The following AKAP12 variants were observed in gnomAD, a reference collection of about 807,000 sequenced individuals.
The protein encoded by AKAP12 is A-kinase anchor protein 12.
Under a neutral mutation model 79.9 loss-of-function variants are expected in AKAP12, and 32 were observed. That is an observed-to-expected ratio of 0.40 (90% CI 0.30 to 0.54). The LOEUF (loss-of-function observed/expected upper bound fraction) is 0.54. AKAP12 is among the 20% of genes least tolerant of loss of function. The pLI is 0.48. For synonymous variants in AKAP12, 808 were observed against 857.0 expected (o/e 0.94, Z 1.00); for missense variants, 2,074 against 2,177.0 (o/e 0.95, Z 0.94).
At chr6:151,267,492 C>T (rs1776074161) in intron 2 of AKAP12, among the ~76,000 whole-genome samples, 1 of 152,144 alleles carries the variant, frequency 6.6e-6, no homozygotes, top group South Asian at 2.1e-4. Flanking sequence ...GTCAAAGCAT[C>T]AGTAGACACA....
chr6:151,353,462 T>C lies in AKAP12; in HGVS notation c.5071T>C (p.Ser1691Pro). 6.2e-7 allele frequency: 1 copy of C among 1,614,002 alleles called. No individual in the cohort carries two copies. The highest frequency in any genetic ancestry group is 8.5e-7 in the Non-Finnish European group (1 of 1,179,994). ...HALLAERIEK[S>P]LVEPKEDEKG... is the part of the protein sequence containing the mutation. ...CTTGTTAGCAGAAAGAATAGAGAAG[T>C]CACTAGTTGAACCGAAAGAAGATGA... Residue 1691 changes from serine (S) to proline (P), a missense_variant, in exon 4 of 5, where the codon TCA becomes CCA. Around this residue, in one of 3 missense-constraint regions of AKAP12, gnomAD observed 614 missense variants for 665.6 expected, o/e 0.92. Transcript: ENST00000402676.
intron 3 of AKAP12, among the ~76,000 whole-genome samples, chr6:151,311,484 C>T (rs763170584): frequency 6.6e-5 from 10 of 152,194 alleles, no homozygotes; most frequent in Admixed American, 1.3e-4. Flanking sequence ...GCACGTGGAC[C>T]GCCACTGTGA....
In AKAP12 at chr6:151,351,122, CCTT is replaced by C. The variant is rs1707258244; in HGVS notation, c.2735_2737del (p.Ser912del). 2.5e-6 allele frequency: 4 copies of C among 1,614,082 alleles called. No individual in the cohort carries two copies. The highest frequency in any genetic ancestry group is 4.5e-5 in the East Asian group (2 of 44,898). On this transcript the variant is annotated inframe_deletion, in exon 4 of 5. Coordinates refer to ENST00000402676, the MANE Select transcript of AKAP12 (RefSeq NM_005100.4). This position sits in a 1 kb window ranked among gnomAD's most constrained non-coding sequence, Gnocchi z 4.4. ...AGCTACCATTATTGAAGAAAGGTCTCCTTCTTGGATATCTGCTTCAGTGACAGA... is the reference window on the plus strand; with the variant it reads ...AGCTACCATTATTGAAGAAAGGTCTCCTTGGATATCTGCTTCAGTGACAGA...
In AKAP12 at chr6:151,357,370, G is replaced by C. The variant is rs192373820; in HGVS notation, c.*1656G>C. On this transcript the variant is annotated 3_prime_UTR_variant, in exon 5 of 5. Transcript: ENST00000402676. Reference sequence around the variant, plus strand: ...AGAATAGTGTCACTTATCTACTCTTGACACACAGAACTGGCCTGGCATATA... The same window carrying C: ...AGAATAGTGTCACTTATCTACTCTTCACACACAGAACTGGCCTGGCATATA... 1.3e-5 allele frequency: 2 copies of C among 152,250 alleles called. No individual in the cohort carries two copies. Among genetic ancestry groups the C allele is most frequent in the African/African-American group, 2.4e-5 (1 of 41,532 alleles). 9.4% of individuals were successfully genotyped at this position (152,250 alleles called of 1,614,324 possible).
At position 151,305,755 on chromosome 6, in the gene AKAP12, GAA is replaced by G. The variant is rs1776963784; in HGVS notation, c.172_173del (p.Lys58GlufsTer12). 1 of 1,610,958 alleles carries G rather than the reference GAA, an allele frequency of 6.2e-7. No individual in the cohort carries two copies. On this transcript the variant is annotated frameshift_variant, in exon 3 of 5. Transcript: ENST00000402676. LOFTEE classifies it high-confidence loss of function. ...ASDPATKLLQ[K>X]NGQLSTINGV... ...CTTTGTCTTTTCCATAGCTCCTACAGAAGAATGGTCAGCTGTCCACCATCAAT... is the reference window on the plus strand; with the variant it reads ...CTTTGTCTTTTCCATAGCTCCTACAGGAATGGTCAGCTGTCCACCATCAAT...
chr6:151,245,991 T>C (rs1029925088), intron 2 of AKAP12, among the ~76,000 whole-genome samples: 1 of 152,204 alleles, frequency 6.6e-6, no homozygotes, highest in Non-Finnish European at 1.5e-5. Context: ...CCCCCATTCT[T>C]ATTAATTTGG....
At chr6:151,323,786 G>A (rs1766541615) in intron 3 of AKAP12, 1 of 985,278 alleles carries the variant, frequency 1.0e-6, no homozygotes, top group Non-Finnish European at 1.2e-6. Context: ...AAGGAGAGGA[G>A]CTGGAGATTC....
chr6:151,302,894 G>C (rs1035001856), intron 2 of AKAP12, among the ~76,000 whole-genome samples: 5 of 152,094 alleles, frequency 3.3e-5, no homozygotes, highest in Non-Finnish European at 7.3e-5. Context: ...ATGATATTTA[G>C]TTAGAATACT....
intron 3 of AKAP12, among the ~76,000 whole-genome samples, chr6:151,321,917 T>G (rs1376096195): frequency 4.1e-5 from 6 of 148,020 alleles, no homozygotes; most frequent in Non-Finnish European, 7.5e-5. Flanking sequence ...TTTTTTTTTT[T>G]TTTTTTTTTT....
At chr6:151,296,775 G>T (rs1776736731) in intron 2 of AKAP12, among the ~76,000 whole-genome samples, 1 of 152,142 alleles carries the variant, frequency 6.6e-6, no homozygotes, top group South Asian at 2.1e-4. Flanking sequence ...CAGCTGAGAT[G>T]CAGCATCCTC....
chr6:151,243,701 G>A (rs1036068986), intron 2 of AKAP12, among the ~76,000 whole-genome samples: 3 of 152,142 alleles, frequency 2.0e-5, no homozygotes, highest in African/African-American at 7.2e-5. Flanking sequence ...CCAGGCGGGG[G>A]CAGGGGGAAT....
At chr6:151,344,564 C>T (rs895523742) in intron 3 of AKAP12, among the ~76,000 whole-genome samples, 5 of 152,018 alleles carry the variant, frequency 3.3e-5, no homozygotes, top group East Asian at 1.9e-4. Flanking sequence ...GAGTCAGTCT[C>T]GCTCGGTCAC....
In AKAP12 at chr6:151,299,753, AG is replaced by A. The variant is rs1353230552; in HGVS notation, c.163-5991del. Among the ~76,000 whole-genome samples, 326 of 91,440 alleles carry A rather than the reference AG, an allele frequency of 3.6e-3. 2 individuals carry two copies. Among genetic ancestry groups the A allele is most frequent in the African/African-American group, 9.5e-3 (315 of 33,100 alleles). 60.0% of individuals were successfully genotyped at this position (91,440 alleles called of 152,430 possible). A position where few individuals can be genotyped will look rare whatever the true frequency, so the allele number is the denominator to read the frequency against. On this transcript the variant is annotated intron_variant, in intron 2 of 4. Coordinates refer to ENST00000402676, the MANE Select transcript of AKAP12 (RefSeq NM_005100.4). ...ACTCCCCTCTACTGATAGACATTTA[AG>A]GGTTTTTTTTTTTTTTGCTATTATG... is the stretch of plus-strand genomic sequence containing the variant.
intron 2 of AKAP12, among the ~76,000 whole-genome samples, chr6:151,272,847 T>C (rs909847067): frequency 6.6e-5 from 10 of 152,144 alleles, no homozygotes; most frequent in African/African-American, 2.2e-4. Flanking sequence ...GATTTATTTT[T>C]ATAAAGAGCC....
At chr6:151,330,498 G>A (rs1424540775) in intron 3 of AKAP12, among the ~76,000 whole-genome samples, 3 of 152,134 alleles carry the variant, frequency 2.0e-5, no homozygotes, top group Admixed American at 6.5e-5. Context: ...ACAATGCTAC[G>A]AATCTTGGGG....
intron 3 of AKAP12, among the ~76,000 whole-genome samples, chr6:151,322,999 A>C (rs752402576): frequency 6.6e-6 from 1 of 152,210 alleles, no homozygotes; most frequent in South Asian, 2.1e-4. Context: ...TAACAAAAAC[A>C]GAGAATGGAA....
intron 2 of AKAP12, chr6:151,299,059 G>T (rs1057403035): frequency 3.9e-5 from 6 of 152,226 alleles, no homozygotes; most frequent in African/African-American, 1.4e-4. Flanking sequence ...ACACACTTGT[G>T]AAATGGGTAC....
chr6:151,272,533 A>AGATG (rs1554321947), intron 2 of AKAP12, among the ~76,000 whole-genome samples: 2 of 152,048 alleles, frequency 1.3e-5, no homozygotes, highest in East Asian at 3.9e-4. Flanking sequence ...ATAGATAGAT[A>AGATG]GATAGAGATG....
intron 3 of AKAP12, chr6:151,325,502 T>C (rs537947746): frequency 3.3e-4 from 330 of 985,224 alleles, no homozygotes; most frequent in Admixed American, 2.0e-3. Flanking sequence ...GGGGGAGGGC[T>C]TTAAGGTGAA....
Sources: gnomAD v4.1 joint callset for allele counts (sites outside exome capture counted in the v4.1 genomes callset) on GRCh38, gnomAD v4.1.1 for gene constraint, gnomAD v4.1.1 regional missense constraint, Gnocchi (gnomAD v3.1) non-coding constraint, MANE v1.5 for transcripts, NCBI Gene and HGNC (gene_info 2026-07-23, HGNC 2026-07-21) for gene names.